The following CALN1 variants were observed in gnomAD, a reference collection of about 807,000 sequenced individuals.
CALN1 encodes the protein calneuron 1.
In CALN1, 17 loss-of-function variants were observed where a neutral mutation model predicts 30.6. The observed-to-expected ratio is 0.56, with a 90% CI of 0.38 to 0.83. The LOEUF (loss-of-function observed/expected upper bound fraction) is 0.83. Ranked by LOEUF, CALN1 falls within the 40% of genes least tolerant of loss-of-function variation. CALN1 has a pLI of 0.00. For synonymous variants in CALN1, 156 were observed against 131.4 expected (o/e 1.19, Z -1.28); for missense variants, 291 against 354.9 (o/e 0.82, Z 1.45).
chr7:72,443,976 G>T (rs940315264), intron 1 of CALN1, among the ~76,000 whole-genome samples: 2 of 143,646 alleles, frequency 1.4e-5, no homozygotes, highest in Non-Finnish European at 3.1e-5. Context: ...CTGCACTCCA[G>T]CCTGGGTGAC....
intron 5 of CALN1, among the ~76,000 whole-genome samples, chr7:71,863,483 G>GGGA (rs1189422159): frequency 6.7e-6 from 1 of 149,672 alleles, no homozygotes; most frequent in Non-Finnish European, 1.5e-5. Flanking sequence ...GCTTGAACCT[G>GGGA]GGAGGCAGGG....
At chr7:72,354,290 TGA>T (rs915786669) in intron 2 of CALN1, among the ~76,000 whole-genome samples, 1 of 152,174 alleles carries the variant, frequency 6.6e-6, no homozygotes, top group Non-Finnish European at 1.5e-5. Flanking sequence ...AAAACATTGC[TGA>T]GAGAGATTAA....
At chr7:72,024,814 A>G (rs549969448) in intron 4 of CALN1, among the ~76,000 whole-genome samples, 1 of 151,908 alleles carries the variant, frequency 6.6e-6, no homozygotes, top group Non-Finnish European at 1.5e-5. Context: ...GCTCCTTTAC[A>G]CCTCTGCGTG....
At chr7:72,251,060 T>C (rs1487696562) in intron 3 of CALN1, among the ~76,000 whole-genome samples, 1 of 152,142 alleles carries the variant, frequency 6.6e-6, no homozygotes, top group Non-Finnish European at 1.5e-5. Context: ...ATCTTGGAGC[T>C]GAGGCTGCAC....
chr7:72,403,206 C>A (rs1271941176), intron 2 of CALN1, 45 bp downstream of exon 2: 11 of 1,483,460 alleles, frequency 7.4e-6, no homozygotes, highest in Non-Finnish European at 1.0e-5. Context: ...TACCTGAGGG[C>A]TGCCAAACAA....
intron 4 of CALN1, among the ~76,000 whole-genome samples, chr7:72,086,024 T>C (rs1291658301): frequency 1.3e-5 from 2 of 151,984 alleles, no homozygotes; most frequent in Non-Finnish European, 2.9e-5. Flanking sequence ...TAAAAAAATA[T>C]ATAAAGTTAG....
chr7:71,878,455 C>T (rs1400367264), intron 5 of CALN1, among the ~76,000 whole-genome samples: 2 of 151,934 alleles, frequency 1.3e-5, no homozygotes, highest in Admixed American at 1.3e-4. Context: ...ATTAGTTTCT[C>T]ATGGACCAGC....
At chr7:71,932,657 C>CA (rs961353190) in intron 5 of CALN1, among the ~76,000 whole-genome samples, 31 of 146,990 alleles carry the variant, frequency 2.1e-4, no homozygotes, top group South Asian at 6.5e-4. Context: ...ACTAAAAATA[C>CA]AAAAAAAAAA....
At chr7:72,219,855 T>C (rs1793145819) in intron 3 of CALN1, among the ~76,000 whole-genome samples, 1 of 151,776 alleles carries the variant, frequency 6.6e-6, no homozygotes, top group Non-Finnish European at 1.5e-5. Context: ...AGAGACAAAA[T>C]CCTGGAATGA....
At chr7:72,403,510 G>A (rs756605492) in intron 1 of CALN1, 68 bp from the exon 2 acceptor site, 13 of 596,282 alleles carry the variant, frequency 2.2e-5, no homozygotes, top group South Asian at 1.7e-4. Context: ...AAAGCCTGCC[G>A]CCTAAATAAT....
At chr7:72,174,069 A>G (rs1789166160) in intron 3 of CALN1, among the ~76,000 whole-genome samples, 1 of 152,146 alleles carries the variant, frequency 6.6e-6, no homozygotes, top group Non-Finnish European at 1.5e-5. Context: ...ATATATAAAG[A>G]ATTTATATAG....
chr7:72,289,595 T>C (rs1798332547), intron 2 of CALN1, among the ~76,000 whole-genome samples: 1 of 152,018 alleles, frequency 6.6e-6, no homozygotes, highest in Admixed American at 6.6e-5. Flanking sequence ...CCACTAAACA[T>C]GGATTTGGAA....
chr7:72,303,147 T>C (rs1169692141), intron 2 of CALN1, among the ~76,000 whole-genome samples: 5 of 152,164 alleles, frequency 3.3e-5, no homozygotes, highest in African/African-American at 4.8e-5. Context: ...CAGTGAATTA[T>C]TTCAGCAACA....
chr7:71,873,948 T>G (rs1236098632), intron 5 of CALN1, among the ~76,000 whole-genome samples: 1 of 152,200 alleles, frequency 6.6e-6, no homozygotes, highest in Non-Finnish European at 1.5e-5. Context: ...CAGTAAAAAA[T>G]GTATTTCAGT....
the CALN1 span, among the ~76,000 whole-genome samples, chr7:72,486,101 A>C: frequency 1.3e-5 from 2 of 152,164 alleles, no homozygotes; most frequent in African/African-American, 4.8e-5. Context: ...CTATTGCTCC[A>C]AGCTGCAAAC....
chr7:72,479,389 T>A, the CALN1 span, among the ~76,000 whole-genome samples: 1 of 152,176 alleles, frequency 6.6e-6, no homozygotes, highest in Non-Finnish European at 1.5e-5. Context: ...GATGATTTTT[T>A]ATTTTGATGA....
chr7:72,227,918 G>A (rs1793806721), intron 3 of CALN1, among the ~76,000 whole-genome samples: 1 of 151,880 alleles, frequency 6.6e-6, no homozygotes, highest in Admixed American at 6.6e-5. Flanking sequence ...CCACCAGCTA[G>A]CAAGTACTCT....
chr7:72,008,129 ACCATATTATGTTT>A (rs1433851657), intron 5 of CALN1, among the ~76,000 whole-genome samples: 1 of 152,212 alleles, frequency 6.6e-6, no homozygotes, highest in African/African-American at 2.4e-5. Context: ...CTATTCAATT[ACCATATTATGTTT>A]GCAGAAATCA....
At chr7:72,347,223 GAC>G (rs1002360077) in intron 2 of CALN1, among the ~76,000 whole-genome samples, 3 of 151,808 alleles carry the variant, frequency 2.0e-5, no homozygotes, top group Non-Finnish European at 2.9e-5. Flanking sequence ...AAAACCCAAA[GAC>G]AATTTTTTTT....
Sources: gnomAD v4.1 joint callset for allele counts (sites outside exome capture counted in the v4.1 genomes callset) on GRCh38, gnomAD v4.1.1 for gene constraint, MANE v1.5 for transcripts, NCBI Gene and HGNC (gene_info 2026-07-23, HGNC 2026-07-21) for gene names.